RIMBP2: variants seen among roughly 807,000 people sequenced by gnomAD.
The protein encoded by RIMBP2 is RIMS-binding protein 2.
A neutral mutation model predicts 118.6 loss-of-function variants in RIMBP2; 48 were observed. The observed-to-expected ratio is 0.40, with a 90% confidence interval of 0.32 to 0.51. The LOEUF is 0.51. Among genes scored for constraint, RIMBP2 ranks in the 20% least tolerant of loss-of-function variants. The probability of loss-of-function intolerance (pLI) is 0.41; values close to 1 mark genes in which losing one functional copy is unlikely to be tolerated. For synonymous variants in RIMBP2, 762 were observed against 742.9 expected (o/e 1.03, Z -0.42); for missense variants, 1,551 against 1,768.3 (o/e 0.88, Z 2.20).
rs1344893401 is a variant in RIMBP2, at chr12:130,397,426, T to G, written c.4024A>C (p.Lys1342Gln). Residue 1342 changes from lysine (K) to glutamine (Q), a missense_variant, in exon 23 of 23, where the codon AAA becomes CAA. Coordinates refer to ENST00000690449, the MANE Select transcript of RIMBP2 (RefSeq NM_001393629.1). ...TTGGAAAGCAGCCCCTTTTTCTTTT[T>G]CGAGGACATTTCCCTGCCTCTCCCA... ...SPGRGREMSS[K>Q]KKKGLLSKGK... The G allele has an allele frequency of 2.5e-6, 1 of 398,994 alleles. No individual in the cohort carries two copies. Among genetic ancestry groups the G allele is most frequent in the Non-Finnish European group, 4.4e-6 (1 of 226,134 alleles). 24.7% of individuals were successfully genotyped at this position (398,994 alleles called of 1,614,324 possible).
intron 17 of RIMBP2, among the ~76,000 whole-genome samples, chr12:130,418,100 C>A (rs1393570676): frequency 6.6e-6 from 1 of 152,182 alleles, no homozygotes; most frequent in Non-Finnish European, 1.5e-5. Context: ...AACCGTTTGG[C>A]CTCTTTCACC....
In RIMBP2 at chr12:130,442,401, A is replaced by G; in HGVS notation, c.951T>C (p.Pro317=). The G allele has an allele frequency of 6.2e-7, 1 of 1,614,008 alleles. No homozygotes were observed. The highest frequency in any genetic ancestry group is 1.6e-4 in the Middle Eastern group (1 of 6,062). ...GTTGTTTGATGAGGGTGATTTTTCT[A>G]GGGTAAGGCACGATGTCTTCTCCGA... ...DDIGEDIVPY[P]RKITLIKQLA... The change falls in exon 11 of 23, where the codon CCT becomes CCC. Residue 317 remains proline (P), a synonymous_variant. Coordinates refer to ENST00000690449, the MANE Select transcript of RIMBP2 (RefSeq NM_001393629.1). The surrounding 1 kb of genome is among the most constrained non-coding windows in gnomAD (Gnocchi z 6.9).
At position 130,407,835 on chromosome 12, in the gene RIMBP2, C is replaced by T; in HGVS notation, c.3590-6G>A. 1 of 1,611,994 alleles carries T rather than the reference C, an allele frequency of 6.2e-7. No individual in the cohort carries two copies. The highest frequency in any genetic ancestry group is 8.5e-7 in the Non-Finnish European group (1 of 1,178,080). On this transcript the variant is annotated splice_region_variant and splice_polypyrimidine_tract_variant and intron_variant, in intron 19 of 22. Transcript: ENST00000690449. Reference sequence around the variant, plus strand: ...GCCACTTCTCCTGCTTCTCTCTGTTCAGATCACAAGGGGGAAAGAAATCCA... The same window carrying T: ...GCCACTTCTCCTGCTTCTCTCTGTTTAGATCACAAGGGGGAAAGAAATCCA...
At chr12:130,616,139 G>A (rs752650159) in intron 2 of RIMBP2, among the ~76,000 whole-genome samples, 6 of 152,252 alleles carry the variant, frequency 3.9e-5, no homozygotes, top group East Asian at 1.9e-4. Flanking sequence ...ACAACGTTCC[G>A]CCTGCACGTT....
intron 2 of RIMBP2, among the ~76,000 whole-genome samples, chr12:130,612,888 T>C (rs1160542079): frequency 6.6e-6 from 1 of 151,830 alleles, no homozygotes; most frequent in African/African-American, 2.4e-5. Flanking sequence ...GTAAAACAGC[T>C]TCTCCTTTCC....
chr12:130,510,387 C>G, intron 3 of RIMBP2, among the ~76,000 whole-genome samples: 1 of 151,354 alleles, frequency 6.6e-6, no homozygotes, highest in East Asian at 1.9e-4. Context: ...TGCTCATAAG[C>G]AAAGTAAAAG....
intron 9 of RIMBP2, 117 bp from the exon 10 acceptor site, chr12:130,445,386 AC>A: frequency 1.5e-6 from 1 of 651,952 alleles, no homozygotes; most frequent in Non-Finnish European, 2.6e-6. Context: ...GGAATTACAA[AC>A]CCACATAATC....
At chr12:130,680,507 A>G (rs901633781) in intron 1 of RIMBP2, among the ~76,000 whole-genome samples, 3 of 152,210 alleles carry the variant, frequency 2.0e-5, no homozygotes, top group Non-Finnish European at 4.4e-5. Context: ...AGATACACAC[A>G]TACACACGCA....
intron 2 of RIMBP2, among the ~76,000 whole-genome samples, chr12:130,613,737 C>G (rs1349405426): frequency 6.6e-6 from 1 of 150,396 alleles, no homozygotes; most frequent in Non-Finnish European, 1.5e-5. Context: ...TCGCTTGAAC[C>G]CAGGAGGCAG....
In RIMBP2 at chr12:130,581,080, G is replaced by A. The variant is rs2058451626; in HGVS notation, c.-217+47242C>T. Among the ~76,000 whole-genome samples, 1 of 152,188 alleles carries A rather than the reference G, an allele frequency of 6.6e-6. No individual in the cohort carries two copies. The highest frequency in any genetic ancestry group is 2.4e-5 in the African/African-American group (1 of 41,436). ...GGCCTCGTGGCCGCACCCTCATCCT[G>A]CCCTTCACCTGCTCATATTCATGGG... On this transcript the variant is annotated intron_variant, in intron 2 of 22. Transcript: ENST00000690449. This position sits in a 1 kb window ranked among gnomAD's most constrained non-coding sequence, Gnocchi z 4.4.
At chr12:130,574,972 AC>A (rs1169643106) in intron 2 of RIMBP2, among the ~76,000 whole-genome samples, 31 of 36,210 alleles carry the variant, frequency 8.6e-4, no homozygotes, top group Admixed American at 1.5e-3. Flanking sequence ...CCCCACCGCC[AC>A]CCCCACCCCC....
chr12:130,419,728 T>G lies in RIMBP2; in HGVS notation c.3238+2725A>C, dbSNP rs763845483. 13 of 152,158 alleles carry G rather than the reference T, an allele frequency of 8.5e-5. No homozygotes were observed. The highest frequency in any genetic ancestry group is 1.8e-4 in the Non-Finnish European group (12 of 68,016). The allele number at this position is 152,158 out of a possible 1,614,324, so 9.4% of individuals were successfully genotyped here. A position where few individuals can be genotyped will look rare whatever the true frequency, so the allele number is the denominator to read the frequency against. On this transcript the variant is annotated intron_variant, in intron 17 of 22. Transcript: ENST00000690449. The surrounding 1 kb of genome is among the most constrained non-coding windows in gnomAD (Gnocchi z 4.3). ...GAGAATACAGAGGAGATATTCAGAG[T>G]TGATTCCTAAGAACAGAATCCTCTT... is the stretch of plus-strand genomic sequence containing the variant.
At chr12:130,591,141 C>G (rs779986191) in intron 2 of RIMBP2, among the ~76,000 whole-genome samples, 1 of 152,180 alleles carries the variant, frequency 6.6e-6, no homozygotes, top group Non-Finnish European at 1.5e-5. Flanking sequence ...CAGAAACTGA[C>G]TTTAAAAATT....
intron 4 of RIMBP2, among the ~76,000 whole-genome samples, chr12:130,482,516 T>G (rs2138197246): frequency 6.6e-6 from 1 of 152,284 alleles, no homozygotes; most frequent in East Asian, 1.9e-4. Flanking sequence ...TCCTACATCC[T>G]AACACCAGCC....
chr12:130,657,953 G>T (rs2063498104), intron 1 of RIMBP2: 1 of 152,266 alleles, frequency 6.6e-6, no homozygotes, highest in African/African-American at 2.4e-5. Flanking sequence ...ATCAGAGAAC[G>T]CACGGCTGGA....
Position 130,470,684 on chromosome 12 carries a change from G to A in RIMBP2, c.153+9C>T, listed in dbSNP as rs186382826. ...ACCCCCGGGCAGAAAGCAGGGGCAC[G>A]CTCCTTACCTCTAGCAGCCGCACTG... On this transcript the variant is annotated intron_variant, in intron 6 of 22. Transcript: ENST00000690449. The A allele has an allele frequency of 8.1e-6, 10 of 1,231,268 alleles. No individual in the cohort carries two copies. Among genetic ancestry groups the A allele is most frequent in the African/African-American group, 7.8e-5 (5 of 64,512 alleles). 76.3% of individuals were successfully genotyped at this position (1,231,268 alleles called of 1,614,324 possible).
intron 2 of RIMBP2, among the ~76,000 whole-genome samples, chr12:130,616,201 C>T (rs7959750): frequency 0.38 from 58,044 of 151,978 alleles, 11,289 homozygotes; most frequent in South Asian, 0.46. Flanking sequence ...CATCCCTAGA[C>T]ATCTGAAGAA....
intron 3 of RIMBP2, among the ~76,000 whole-genome samples, chr12:130,509,055 C>T: frequency 6.6e-6 from 1 of 152,178 alleles, no homozygotes; most frequent in East Asian, 1.9e-4. Context: ...CGGCCCCCGG[C>T]CCTCCCCACC....
chr12:130,438,334 A>ATCCCCCCCCCCCCC, intron 12 of RIMBP2, 31 bp downstream of exon 12: 5 of 1,344,506 alleles, frequency 3.7e-6, no homozygotes, highest in Non-Finnish European at 4.3e-6. Context: ...GGGCCTAACA[A>ATCCCCCCCCCCCCC]ACCCTCCCCA....
Sources: allele counts gnomAD v4.1 joint callset (sites outside exome capture counted in the v4.1 genomes callset), GRCh38; gene constraint gnomAD v4.1.1; non-coding constraint Gnocchi (gnomAD v3.1); transcripts MANE v1.5; gene names NCBI Gene and HGNC (gene_info 2026-07-23, HGNC 2026-07-21).